Variants in JARID2 observed in about 807,000 individuals in gnomAD.
The protein encoded by JARID2 is jumonji and AT-rich interaction domain containing 2.
Under a neutral mutation model 125.6 loss-of-function variants are expected in JARID2, and 21 were observed. That is an observed-to-expected ratio of 0.17 (90% confidence interval 0.12 to 0.24). The LOEUF is 0.24. JARID2 is among the 10% of genes least tolerant of loss of function. The probability of loss-of-function intolerance (pLI) is 1.00; values close to 1 mark genes in which losing one functional copy is unlikely to be tolerated. For missense variants in JARID2, 1,303 were observed against 1,639.6 expected (o/e 0.79, Z 3.55); for synonymous variants, 736 against 661.6 (o/e 1.11, Z -1.73).
intron 5 of JARID2, among the ~76,000 whole-genome samples, chr6:15,475,776 C>A (rs551279939): frequency 1.3e-5 from 2 of 152,342 alleles, no homozygotes; most frequent in African/African-American, 4.8e-5. Flanking sequence ...TCCCTCCTCA[C>A]ACCTCAGTTT....
intron 5 of JARID2, among the ~76,000 whole-genome samples, chr6:15,477,136 C>T (rs1167613052): frequency 6.6e-6 from 1 of 152,168 alleles, no homozygotes; most frequent in Non-Finnish European, 1.5e-5. Flanking sequence ...TGTCATTGGA[C>T]TCCCAGCTGG....
chr6:15,337,625 AG>A (rs982425109), intron 1 of JARID2, among the ~76,000 whole-genome samples: 1 of 152,122 alleles, frequency 6.6e-6, no homozygotes, highest in Non-Finnish European at 1.5e-5. Flanking sequence ...CATAAGGATT[AG>A]GGGGGGTCCA....
chr6:15,338,366 G>GA (rs1448735137), intron 1 of JARID2, among the ~76,000 whole-genome samples: 2 of 152,180 alleles, frequency 1.3e-5, no homozygotes, highest in Non-Finnish European at 2.9e-5. Flanking sequence ...GAATCTGGAG[G>GA]AAAAATGCGT....
In JARID2 at chr6:15,496,842, G is replaced by T. The variant is rs375600114; in HGVS notation, c.1617G>T (p.Ser539=). The T allele has an allele frequency of 4.4e-6, 7 of 1,602,058 alleles. No individual in the cohort carries two copies. Among genetic ancestry groups the T allele is most frequent in the Non-Finnish European group, 5.1e-6 (6 of 1,172,192 alleles). The change falls in exon 7 of 18, where the codon TCG becomes TCT. Residue 539 remains serine (S), a synonymous_variant. Coordinates refer to ENST00000341776, the MANE Select transcript of JARID2 (RefSeq NM_004973.4). ...AGTCCGTGCACAAGCCGCAGGACTC[G>T]GGCAAGGCCGAGAAGGGCGGCGGCA... The part of the protein sequence containing the change: ...QPESVHKPQD[S]GKAEKGGGKA...
chr6:15,282,200 C>T lies in JARID2; in HGVS notation c.45+35616C>T, dbSNP rs895588213. Among the ~76,000 whole-genome samples, 4 of 152,212 alleles carry T rather than the reference C, an allele frequency of 2.6e-5. No individual in the cohort carries two copies. In the South Asian group the frequency reaches 6.2e-4, roughly 24 times the overall value. On this transcript the variant is annotated intron_variant, in intron 1 of 17. Coordinates refer to ENST00000341776, the MANE Select transcript of JARID2 (RefSeq NM_004973.4). ...TCAGGTGATCCGCCCACCTTGGCATCCCAAAGTGCTGAGATTACAGGCGTG... is the reference window on the plus strand; with the variant it reads ...TCAGGTGATCCGCCCACCTTGGCATTCCAAAGTGCTGAGATTACAGGCGTG...
At chr6:15,470,842 T>G (rs961850549) in intron 5 of JARID2, among the ~76,000 whole-genome samples, 2 of 152,196 alleles carry the variant, frequency 1.3e-5, no homozygotes, top group African/African-American at 4.8e-5. Context: ...TGCCTGTTTT[T>G]GGGACTGTTG....
At chr6:15,422,238 CCTT>C (rs1293635494) in intron 3 of JARID2, among the ~76,000 whole-genome samples, 3 of 152,168 alleles carry the variant, frequency 2.0e-5, no homozygotes, top group Non-Finnish European at 4.4e-5. Flanking sequence ...GGTTCTCTGT[CCTT>C]CTGGACGAAT....
Position 15,496,552 on chromosome 6 carries a change from A to G in JARID2, c.1327A>G (p.Arg443Gly). Residue 443 changes from arginine to glycine, a missense_variant, in exon 7 of 18, where the codon AGA becomes GGA. Around this residue, in one of 11 missense-constraint regions of JARID2, gnomAD observed 651 missense variants for 581.6 expected, o/e 1.12. Coordinates refer to ENST00000341776, the MANE Select transcript of JARID2 (RefSeq NM_004973.4). ...LREGLRNSKR[R>G]LEEAHQAEKP... The stretch of plus-strand genomic sequence containing the variant: ...GGAGGGGCTGCGGAACTCCAAGAGG[A>G]GACTGGAAGAGGCACACCAGGCGGA... 6.2e-7 allele frequency: 1 copy of G among 1,607,144 alleles called. No individual in the cohort carries two copies. The highest frequency in any genetic ancestry group is 8.5e-7 in the Non-Finnish European group (1 of 1,177,858).
At chr6:15,288,863 C>A (rs552571514) in intron 1 of JARID2, among the ~76,000 whole-genome samples, 1 of 152,318 alleles carries the variant, frequency 6.6e-6, no homozygotes, top group Admixed American at 6.5e-5. Context: ...GATTTTGCCT[C>A]CTGGCGAGGT....
chr6:15,486,413 A>G (rs925036637), intron 5 of JARID2, among the ~76,000 whole-genome samples: 2 of 152,186 alleles, frequency 1.3e-5, no homozygotes, highest in Non-Finnish European at 2.9e-5. Context: ...TCTCACTTGT[A>G]GCCACCTGGG....
intron 1 of JARID2, among the ~76,000 whole-genome samples, chr6:15,368,105 C>T (rs1764040236): frequency 6.6e-6 from 1 of 152,154 alleles, no homozygotes; most frequent in South Asian, 2.1e-4. Flanking sequence ...TCAAAACAAT[C>T]TGGTTTTTAA....
chr6:15,346,990 T>C (rs1267535416), intron 1 of JARID2, among the ~76,000 whole-genome samples: 1 of 152,132 alleles, frequency 6.6e-6, no homozygotes, highest in African/African-American at 2.4e-5. Flanking sequence ...TGCCTCAGCC[T>C]CCCAAAGTGC....
At chr6:15,292,033 T>C (rs1761236776) in intron 1 of JARID2, among the ~76,000 whole-genome samples, 1 of 151,942 alleles carries the variant, frequency 6.6e-6, no homozygotes, top group Non-Finnish European at 1.5e-5. Flanking sequence ...TGATTAGGCT[T>C]TTTTTTTGAG....
intron 2 of JARID2, among the ~76,000 whole-genome samples, chr6:15,393,710 A>G (rs1765111229): frequency 6.6e-6 from 1 of 152,184 alleles, no homozygotes; most frequent in Admixed American, 6.5e-5. Context: ...TATACACGAA[A>G]TTGTTAACAG....
chr6:15,470,818 G>A (rs1769040528), intron 5 of JARID2, among the ~76,000 whole-genome samples: 1 of 152,208 alleles, frequency 6.6e-6, no homozygotes, highest in Admixed American at 6.5e-5. Context: ...CGCAAACAGA[G>A]CGATGCGGAA....
Position 15,475,481 on chromosome 6 carries a change from C to T in JARID2, c.670+6763C>T, listed in dbSNP as rs180680824. ...AGGGAGGCCCAGGTCCTCGCTTCGC[C>T]GTGCAACTAGCATTTTCTCTTGCAT... On this transcript the variant is annotated intron_variant, in intron 5 of 17. Transcript: ENST00000341776. 1.2e-3 allele frequency among the ~76,000 whole-genome samples: 179 copies of T among 152,306 alleles called. 1 individual carries two copies. The highest frequency in any genetic ancestry group is 3.4e-3 in the Admixed American group (52 of 15,304).
chr6:15,335,537 C>T (rs1762849729), intron 1 of JARID2, among the ~76,000 whole-genome samples: 1 of 152,218 alleles, frequency 6.6e-6, no homozygotes, highest in Non-Finnish European at 1.5e-5. Context: ...GCTCTTCCTT[C>T]ACATCTGGGA....
At chr6:15,329,862 T>C (rs1359951638) in intron 1 of JARID2, among the ~76,000 whole-genome samples, 1 of 152,252 alleles carries the variant, frequency 6.6e-6, no homozygotes, top group Non-Finnish European at 1.5e-5. Flanking sequence ...CAGTGACTTT[T>C]GTTGTTTTGT....
intron 1 of JARID2, among the ~76,000 whole-genome samples, chr6:15,343,523 A>G (rs1332550849): frequency 6.6e-6 from 1 of 152,192 alleles, no homozygotes; most frequent in Non-Finnish European, 1.5e-5. Context: ...ATGTGTATTG[A>G]AAGTATGATA....
Sources: allele counts gnomAD v4.1 joint callset (sites outside exome capture counted in the v4.1 genomes callset), GRCh38; gene constraint gnomAD v4.1.1; regional missense constraint gnomAD v4.1.1; transcripts MANE v1.5; gene names NCBI Gene and HGNC (gene_info 2026-07-23, HGNC 2026-07-21).